AUTS2: variants seen among roughly 807,000 people sequenced by gnomAD.
AUTS2 encodes autism susceptibility gene 2 protein.
AUTS2 carries 17 observed loss-of-function variants against 112.4 expected under a neutral mutation model. The observed-to-expected ratio is 0.15, with a 90% CI of 0.10 to 0.23. AUTS2 has a LOEUF of 0.23. Ranked by LOEUF, AUTS2 falls within the 10% of genes least tolerant of loss-of-function variation. The pLI is 1.00. For synonymous variants in AUTS2, 751 were observed against 702.7 expected (o/e 1.07, Z -1.09); for missense variants, 1,510 against 1,701.6 (o/e 0.89, Z 1.98).
intron 4 of AUTS2, among the ~76,000 whole-genome samples, chr7:70,168,381 A>T (rs1423228692): frequency 6.6e-6 from 1 of 152,212 alleles, no homozygotes; most frequent in Non-Finnish European, 1.5e-5. Flanking sequence ...CAGTGGCGTG[A>T]TCTTGGCTCA....
At chr7:70,524,286 G>C (rs1261864447) in intron 5 of AUTS2, among the ~76,000 whole-genome samples, 1 of 152,206 alleles carries the variant, frequency 6.6e-6, no homozygotes, top group African/African-American at 2.4e-5. Context: ...AAGCCTGGGG[G>C]AAGTCCTGAC....
At chr7:70,728,529 C>T (rs759716105) in intron 6 of AUTS2, among the ~76,000 whole-genome samples, 3 of 151,836 alleles carry the variant, frequency 2.0e-5, no homozygotes, top group Non-Finnish European at 1.5e-5. Context: ...GCCAACATGA[C>T]GAAACCCTGT....
chr7:70,314,822 C>T (rs766589341), intron 4 of AUTS2, among the ~76,000 whole-genome samples: 5 of 152,180 alleles, frequency 3.3e-5, no homozygotes, highest in African/African-American at 7.2e-5. Context: ...CTTCAACCAA[C>T]GCTTACAGTC....
At chr7:69,680,868 C>T (rs1796760498) in intron 1 of AUTS2, among the ~76,000 whole-genome samples, 1 of 152,116 alleles carries the variant, frequency 6.6e-6, no homozygotes, top group Non-Finnish European at 1.5e-5. Flanking sequence ...CAGGGTTTCA[C>T]CATATTGGCC....
At chr7:70,153,277 C>G (rs112970889) in intron 4 of AUTS2, among the ~76,000 whole-genome samples, 1 of 152,116 alleles carries the variant, frequency 6.6e-6, no homozygotes, top group East Asian at 1.9e-4. Flanking sequence ...AACATGGATT[C>G]ATCTCAAAAT....
chr7:69,605,717 A>T (rs557982249), intron 1 of AUTS2, among the ~76,000 whole-genome samples: 3 of 152,212 alleles, frequency 2.0e-5, no homozygotes, highest in Non-Finnish European at 4.4e-5. Flanking sequence ...AAGCTGTGGA[A>T]CTGTGTTTCT....
At chr7:69,788,868 T>G (rs1789493325) in intron 1 of AUTS2, among the ~76,000 whole-genome samples, 1 of 152,100 alleles carries the variant, frequency 6.6e-6, no homozygotes, top group African/African-American at 2.4e-5. Flanking sequence ...ACAAATACTC[T>G]GATTAGCTGT....
At chr7:69,700,073 T>C (rs2129187139) in intron 1 of AUTS2, among the ~76,000 whole-genome samples, 1 of 152,344 alleles carries the variant, frequency 6.6e-6, no homozygotes, top group South Asian at 2.1e-4. Context: ...GTCGTACTAA[T>C]TTATATTCCC....
chr7:69,639,714 C>T (rs1396971176), intron 1 of AUTS2, among the ~76,000 whole-genome samples: 1 of 152,208 alleles, frequency 6.6e-6, no homozygotes, highest in Non-Finnish European at 1.5e-5. Flanking sequence ...TTCTGTGCCT[C>T]TGAGGGTGGG....
At chr7:69,803,356 G>A (rs1790166032) in intron 1 of AUTS2, among the ~76,000 whole-genome samples, 1 of 152,016 alleles carries the variant, frequency 6.6e-6, no homozygotes, top group South Asian at 2.1e-4. Flanking sequence ...TGTGCCAGTG[G>A]GGGCCATCTA....
In AUTS2 at chr7:70,631,453, C is replaced by T. The variant is rs531375509; in HGVS notation, c.691-67116C>T. 6.6e-6 allele frequency among the ~76,000 whole-genome samples: 1 copy of T among 152,246 alleles called. No individual in the cohort carries two copies. Among genetic ancestry groups the T allele is most frequent in the South Asian group, 2.1e-4 (1 of 4,826 alleles). ...GTTTCAGAGGAAGCGTCCAATGGGC[C>T]GTTCAGGTTAGGGAGTTCCGAGACT... On this transcript the variant is annotated intron_variant, in intron 5 of 18. Transcript: ENST00000342771. This position sits in a 1 kb window ranked among gnomAD's most constrained non-coding sequence, Gnocchi z 4.5.
At chr7:70,163,361 G>GGGGGGGGGGGGGAAA (rs1808215652) in intron 4 of AUTS2, among the ~76,000 whole-genome samples, 1 of 22,114 alleles carries the variant, frequency 4.5e-5, no homozygotes, top group African/African-American at 1.5e-4. Context: ...GGGGGGGGCA[G>GGGGGGGGGGGGGAAA]AGGGGGAGGG....
chr7:70,523,696 G>C (rs1799731992), intron 5 of AUTS2, among the ~76,000 whole-genome samples: 1 of 152,200 alleles, frequency 6.6e-6, no homozygotes, highest in South Asian at 2.1e-4. Flanking sequence ...GTTAGGGGTA[G>C]ATTCAGAAGG....
Position 70,171,904 on chromosome 7 carries a change from T to TGG in AUTS2, c.660+37333_660+37334insGG, listed in dbSNP as rs71847750. 7.5e-4 allele frequency among the ~76,000 whole-genome samples: 103 copies of TGG among 138,122 alleles called. 1 individual carries two copies. Among genetic ancestry groups the TGG allele is most frequent in the African/African-American group, 2.7e-3 (94 of 34,918 alleles). The allele number at this position is 138,122 out of a possible 152,430, so 90.6% of individuals were successfully genotyped here. A position where few individuals can be genotyped will look rare whatever the true frequency, so the allele number is the denominator to read the frequency against. The stretch of plus-strand genomic sequence containing the variant: ...CTTTATTATAAACAAGTTTTTTTTT[T>TGG]TGGGGGGGGGTAGTTTTTCCCTCCT... On this transcript the variant is annotated intron_variant, in intron 4 of 18. Coordinates refer to ENST00000342771, the MANE Select transcript of AUTS2 (RefSeq NM_015570.4).
At chr7:70,117,116 TG>T (rs140990907) in intron 2 of AUTS2, among the ~76,000 whole-genome samples, 2,899 of 107,076 alleles carry the variant, frequency 0.027, 146 homozygotes, top group African/African-American at 0.042. Flanking sequence ...TTTTTTTTTT[TG>T]TTTTTTTTTG....
At chr7:70,668,537 C>G (rs1229769571) in intron 5 of AUTS2, among the ~76,000 whole-genome samples, 1 of 152,214 alleles carries the variant, frequency 6.6e-6, no homozygotes, top group Non-Finnish European at 1.5e-5. Context: ...TCTCAGGCCT[C>G]TCCTACTGGA....
chr7:70,355,447 G>T (rs570071462), intron 4 of AUTS2, among the ~76,000 whole-genome samples: 1 of 151,878 alleles, frequency 6.6e-6, no homozygotes, highest in South Asian at 2.1e-4. Flanking sequence ...TCCTTACGGC[G>T]ACCCCCTCAA....
intron 4 of AUTS2, among the ~76,000 whole-genome samples, chr7:70,367,011 A>G (rs935391056): frequency 6.6e-6 from 1 of 152,164 alleles, no homozygotes. Context: ...TGGGCTGGGC[A>G]TGGTGGCTCA....
chr7:70,330,966 A>C (rs1394131878), intron 4 of AUTS2, among the ~76,000 whole-genome samples: 2 of 152,180 alleles, frequency 1.3e-5, no homozygotes, highest in Admixed American at 1.3e-4. Context: ...CTGGTTGAGA[A>C]TTTTTGCATC....
Sources: allele counts gnomAD v4.1 joint callset (sites outside exome capture counted in the v4.1 genomes callset), GRCh38; gene constraint gnomAD v4.1.1; non-coding constraint Gnocchi (gnomAD v3.1); transcripts MANE v1.5; gene names NCBI Gene and HGNC (gene_info 2026-07-23, HGNC 2026-07-21).